LIN28B: variants seen among roughly 807,000 people sequenced by gnomAD.
LIN28B encodes the protein protein lin-28 homolog B.
In LIN28B, 5 loss-of-function variants were observed where a neutral mutation model predicts 21.9. That is an observed-to-expected ratio of 0.23 (90% CI 0.12 to 0.48). The LOEUF (loss-of-function observed/expected upper bound fraction) is 0.48. Ranked by LOEUF, LIN28B falls within the 20% of genes least tolerant of loss-of-function variation. The pLI is 0.98. For missense variants in LIN28B, 245 were observed against 310.5 expected (o/e 0.79, Z 1.58); for synonymous variants, 109 against 111.3 (o/e 0.98, Z 0.13).
chr6:104,957,236 G>T lies in LIN28B; in HGVS notation c.-15G>T, dbSNP rs2114563867. On this transcript the variant is annotated 5_prime_UTR_variant, in exon 1 of 4. Coordinates refer to ENST00000345080, the MANE Select transcript of LIN28B (RefSeq NM_001004317.4). ...TTCATCTCACGAGTTTGGAGCTGAGGGCCCGTGGGGCAACATGGCCGAAGG... is the reference window on the plus strand; with the variant it reads ...TTCATCTCACGAGTTTGGAGCTGAGTGCCCGTGGGGCAACATGGCCGAAGG... 1 of 1,613,140 alleles carries T rather than the reference G, an allele frequency of 6.2e-7. No individual in the cohort carries two copies. Among genetic ancestry groups the T allele is most frequent in the Non-Finnish European group, 8.5e-7 (1 of 1,179,358 alleles).
intron 2 of LIN28B, among the ~76,000 whole-genome samples, chr6:104,987,318 C>T (rs920568028): frequency 6.6e-6 from 1 of 152,024 alleles, no homozygotes; most frequent in Non-Finnish European, 1.5e-5. Context: ...CATCTTGCAA[C>T]CTTGCTAAAT....
intron 3 of LIN28B, among the ~76,000 whole-genome samples, chr6:105,041,419 A>T (rs1771632130): frequency 6.6e-6 from 1 of 151,976 alleles, no homozygotes. Context: ...TGGATGCTTA[A>T]TTTATCTTCA....
intron 3 of LIN28B, among the ~76,000 whole-genome samples, chr6:105,060,954 T>G (rs1772112850): frequency 6.6e-6 from 1 of 152,174 alleles, no homozygotes; most frequent in Admixed American, 6.5e-5. Flanking sequence ...TAGACAAATA[T>G]AAGTATAGAT....
intron 2 of LIN28B, among the ~76,000 whole-genome samples, chr6:104,991,253 G>A (rs954076106): frequency 7.9e-5 from 12 of 151,408 alleles, no homozygotes; most frequent in Non-Finnish European, 1.3e-4. Context: ...CCTCCCTCCC[G>A]GACGGGGTGG....
intron 2 of LIN28B, among the ~76,000 whole-genome samples, chr6:104,964,371 A>G (rs1403620197): frequency 6.6e-6 from 1 of 152,248 alleles, no homozygotes; most frequent in Non-Finnish European, 1.5e-5. Flanking sequence ...TAACCTAAAC[A>G]AAGTGAAGAT....
chr6:104,972,012 C>A (rs1769993451), intron 2 of LIN28B, among the ~76,000 whole-genome samples: 1 of 151,932 alleles, frequency 6.6e-6, no homozygotes, highest in South Asian at 2.1e-4. Flanking sequence ...GCTCTGTCTC[C>A]CAGGCTGTAG....
chr6:105,022,914 G>A (rs1771167497), intron 2 of LIN28B, among the ~76,000 whole-genome samples: 1 of 151,880 alleles, frequency 6.6e-6, no homozygotes, highest in African/African-American at 2.4e-5. Context: ...CAATGAAGTG[G>A]ATGGGGCAGA....
intron 2 of LIN28B, among the ~76,000 whole-genome samples, chr6:104,972,214 C>T (rs2114591836): frequency 6.6e-6 from 1 of 152,236 alleles, no homozygotes; most frequent in South Asian, 2.1e-4. Context: ...TCAGGTAATC[C>T]ACCCACCTTG....
chr6:105,069,612 T>TC (rs1282756440), intron 3 of LIN28B, among the ~76,000 whole-genome samples: 8 of 151,084 alleles, frequency 5.3e-5, no homozygotes, highest in Non-Finnish European at 8.8e-5. Flanking sequence ...ACACCTGTAG[T>TC]CCCAGCTACT....
At chr6:105,032,614 A>G (rs1320539610) in intron 3 of LIN28B, among the ~76,000 whole-genome samples, 1 of 152,032 alleles carries the variant, frequency 6.6e-6, no homozygotes. Context: ...TGTCCCAGCT[A>G]CTTGTACTGA....
At position 105,078,686 on chromosome 6, in the gene LIN28B, G is replaced by T. The variant is rs775169544; in HGVS notation, c.656G>T (p.Gly219Val). Residue 219 changes from glycine to valine, a missense_variant, in exon 4 of 4, where the codon GGC becomes GTC. Transcript: ENST00000345080. ...EARAEISERS[G>V]RSPQEASSTK... ...AGGGCAGAGATCTCAGAACGGTCAG[G>T]CAGGTCACCTCAAGAAGCTTCCTCC... The T allele has an allele frequency of 8.1e-6, 13 of 1,614,000 alleles. No homozygotes were observed. The African/African-American group carries it at 1.3e-4, about 17-fold the overall frequency.
chr6:104,947,937 GGA>G (rs1348534939), intron 2 of LIN28B, among the ~76,000 whole-genome samples: 1 of 151,922 alleles, frequency 6.6e-6, no homozygotes, highest in Non-Finnish European at 1.5e-5. Context: ...AGTTCAGTTG[GGA>G]GAGAGAACAT....
intron 2 of LIN28B, among the ~76,000 whole-genome samples, chr6:104,994,011 A>G (rs530802845): frequency 3.5e-4 from 53 of 151,766 alleles, no homozygotes; most frequent in Middle Eastern, 3.4e-3. Flanking sequence ...AAAAATATAT[A>G]TATATATTTT....
intron 2 of LIN28B, among the ~76,000 whole-genome samples, chr6:104,946,540 TC>T (rs767001938): frequency 2.0e-5 from 3 of 152,170 alleles, no homozygotes; most frequent in Non-Finnish European, 2.9e-5. Context: ...GTGTTGAACT[TC>T]CATGTTTAAT....
intron 2 of LIN28B, chr6:104,941,126 C>T (rs1216085169): frequency 6.6e-6 from 1 of 152,166 alleles, no homozygotes. Flanking sequence ...AGGGGAGCTC[C>T]GTGCTGAGGA....
chr6:105,067,201 A>T (rs1438420519), intron 3 of LIN28B, among the ~76,000 whole-genome samples: 1 of 152,214 alleles, frequency 6.6e-6, no homozygotes, highest in African/African-American at 2.4e-5. Flanking sequence ...TAAATATTGA[A>T]CGTCTTCCCT....
intron 3 of LIN28B, among the ~76,000 whole-genome samples, chr6:105,045,851 C>T (rs2114374322): frequency 6.6e-6 from 1 of 152,242 alleles, no homozygotes. Context: ...GAACTGTGAA[C>T]TTTACCATGA....
chr6:104,943,247 A>G (rs147736875), intron 2 of LIN28B, among the ~76,000 whole-genome samples: 124 of 152,266 alleles, frequency 8.1e-4, no homozygotes, highest in African/African-American at 2.8e-3. Context: ...AGAGAAGATT[A>G]AATAGATCTT....
intron 3 of LIN28B, among the ~76,000 whole-genome samples, chr6:105,035,680 A>C (rs553122060): frequency 6.6e-6 from 1 of 152,332 alleles, no homozygotes; most frequent in African/African-American, 2.4e-5. Context: ...TCAAGGTACT[A>C]TTTATATAAT....
Sources: allele counts gnomAD v4.1 joint callset (sites outside exome capture counted in the v4.1 genomes callset), GRCh38; gene constraint gnomAD v4.1.1; transcripts MANE v1.5; gene names NCBI Gene and HGNC (gene_info 2026-07-23, HGNC 2026-07-21).